DAW1: variants seen among roughly 807,000 people sequenced by gnomAD.
DAW1 encodes the protein dynein assembly factor with WD repeats 1.
A neutral mutation model predicts 56.5 loss-of-function variants in DAW1; 47 were observed. That is an observed-to-expected ratio of 0.83 (90% confidence interval 0.66 to 1.06). The LOEUF (loss-of-function observed/expected upper bound fraction) is 1.06, where lower values mean the gene tolerates loss of function less well. DAW1 is among the 50% of genes least tolerant of loss of function. The pLI is 0.00. For missense variants in DAW1, 505 were observed against 499.3 expected (o/e 1.01, Z -0.11); for synonymous variants, 190 against 179.0 (o/e 1.06, Z -0.49).
At chr2:227,887,674 C>G (rs995091282) in intron 2 of DAW1, 1 of 152,180 alleles carries the variant, frequency 6.6e-6, no homozygotes, top group Non-Finnish European at 1.5e-5. Context: ...TCCAGGCACT[C>G]AACACTTTGA....
intron 10 of DAW1, among the ~76,000 whole-genome samples, chr2:227,917,201 T>G (rs1288958780): frequency 1.3e-5 from 2 of 152,088 alleles, no homozygotes; most frequent in African/African-American, 2.4e-5. Flanking sequence ...TCTATCCATC[T>G]ATCGATCGAT....
chr2:227,906,828 GAGCACA>G lies in DAW1; in HGVS notation c.859-308_859-303del, dbSNP rs374201601. ...TCATTTGATGTCCTTCCTATAAAAA[GAGCACA>G]ACTCTTCACCAACCAGTAAAGCATA... On this transcript the variant is annotated intron_variant, in intron 9 of 12. Coordinates refer to ENST00000309931, the MANE Select transcript of DAW1 (RefSeq NM_178821.3). 4.0e-3 allele frequency among the ~76,000 whole-genome samples: 611 copies of G among 152,232 alleles called. 6 individuals carry two copies. The highest frequency in any genetic ancestry group is 0.014 in the African/African-American group (594 of 41,562).
At chr2:227,902,915 G>T (rs2946931) in intron 6 of DAW1, 87 bp from the exon 7 acceptor site, 525,566 of 1,310,196 alleles carry the variant, frequency 0.4, 107,551 homozygotes, top group Middle Eastern at 0.46. Flanking sequence ...AATCTGGTAA[G>T]GTAATTGCAT....
At chr2:227,886,942 G>T (rs555049931) in intron 2 of DAW1, among the ~76,000 whole-genome samples, 2 of 152,322 alleles carry the variant, frequency 1.3e-5, no homozygotes, top group East Asian at 3.9e-4. Context: ...TTAGGTTTGT[G>T]GCCTGAGACC....
chr2:227,919,006 G>T (rs778052418), intron 11 of DAW1, 150 bp downstream of exon 11: 295 of 774,188 alleles, frequency 3.8e-4, no homozygotes, highest in Non-Finnish European at 4.4e-4. Context: ...ACCAGCCTGG[G>T]CAACATAGGG....
chr2:227,912,390 A>G (rs1559313054), intron 10 of DAW1: 1 of 1,304,660 alleles, frequency 7.7e-7, no homozygotes, highest in South Asian at 1.2e-5. Context: ...ATCATGTTTG[A>G]TGTTATCCGG....
At position 227,909,008 on chromosome 2, in the gene DAW1, TCTGA is replaced by T. The variant is rs754722424; in HGVS notation, c.973+1759_973+1762del. ...TGCTATATTGTATCTATGTCATGTA[TCTGA>T]CTATGTTTAATTTACACTGTTTTTA... On this transcript the variant is annotated intron_variant, in intron 10 of 12. Transcript: ENST00000309931. 1.1e-4 allele frequency among the ~76,000 whole-genome samples: 16 copies of T among 152,328 alleles called. No homozygotes were observed. In the East Asian group the frequency reaches 2.3e-3, roughly 22 times the overall value.
chr2:227,908,097 T>A (rs185518829), intron 10 of DAW1, among the ~76,000 whole-genome samples: 407 of 152,346 alleles, frequency 2.7e-3, no homozygotes, highest in Non-Finnish European at 4.3e-3. Context: ...CCTGTGACAG[T>A]CACATGTGAC....
At chr2:227,908,794 C>A (rs1390860275) in intron 10 of DAW1, among the ~76,000 whole-genome samples, 1 of 152,166 alleles carries the variant, frequency 6.6e-6, no homozygotes, top group Non-Finnish European at 1.5e-5. Context: ...TGATGCTATA[C>A]TAAGTCTATG....
chr2:227,918,718 T>A, intron 10 of DAW1, 62 bp from the exon 11 acceptor site: 2 of 1,560,162 alleles, frequency 1.3e-6, no homozygotes, highest in South Asian at 2.2e-5. Context: ...CAATGCAAAG[T>A]CTTTTATCCA....
At chr2:227,879,434 T>C (rs1397001564) in intron 1 of DAW1, among the ~76,000 whole-genome samples, 2 of 152,154 alleles carry the variant, frequency 1.3e-5, no homozygotes, top group African/African-American at 4.8e-5. Flanking sequence ...TTTGTAGTTC[T>C]TTATATTAAG....
chr2:227,918,240 A>G (rs1692020925), intron 10 of DAW1, among the ~76,000 whole-genome samples: 1 of 138,630 alleles, frequency 7.2e-6, no homozygotes, highest in African/African-American at 2.6e-5. Context: ...CTATTTATTG[A>G]ATGGCTAATA....
At chr2:227,921,098 C>T (rs1180891469) in intron 11 of DAW1, among the ~76,000 whole-genome samples, 1 of 152,132 alleles carries the variant, frequency 6.6e-6, no homozygotes, top group Non-Finnish European at 1.5e-5. Flanking sequence ...CATCGTGCAT[C>T]TTTGGAAAGA....
chr2:227,906,306 A>G lies in DAW1; in HGVS notation c.826A>G (p.Ile276Val). 6.2e-7 allele frequency: 1 copy of G among 1,612,658 alleles called. No homozygotes were observed. The highest frequency in any genetic ancestry group is 1.1e-5 in the South Asian group (1 of 90,866). Residue 276 changes from isoleucine (I) to valine (V), a missense_variant, in exon 9 of 13, where the codon ATA becomes GTA. Transcript: ENST00000309931. ...CTCATTCAATTGGGATTGCTCTCTA[A>G]TATTAACTGGCTCTATGGACAAAAC... ...SASFNWDCSL[I>V]LTGSMDKTCK...
At chr2:227,922,861 T>C (rs2106220643) in intron 12 of DAW1, among the ~76,000 whole-genome samples, 1 of 152,218 alleles carries the variant, frequency 6.6e-6, no homozygotes, top group East Asian at 1.9e-4. Flanking sequence ...ATCAAATCCT[T>C]CTCCTTGATG....
chr2:227,908,869 T>C (rs1691748676), intron 10 of DAW1, among the ~76,000 whole-genome samples: 1 of 152,182 alleles, frequency 6.6e-6, no homozygotes. Flanking sequence ...AAGTATGAAC[T>C]ATGTGTCATC....
At chr2:227,901,801 A>C (rs1691552557) in intron 6 of DAW1, among the ~76,000 whole-genome samples, 1 of 152,136 alleles carries the variant, frequency 6.6e-6, no homozygotes. Context: ...AAGAGTTGCT[A>C]AGAGGGGTAC....
chr2:227,878,848 C>T (rs1690946365), intron 1 of DAW1, among the ~76,000 whole-genome samples: 1 of 144,616 alleles, frequency 6.9e-6, no homozygotes, highest in Non-Finnish European at 1.5e-5. Context: ...AGTGCAATGG[C>T]ACAATCTCAA....
chr2:227,917,266 CTTT>C (rs111771960), intron 10 of DAW1, among the ~76,000 whole-genome samples: 4 of 142,344 alleles, frequency 2.8e-5, no homozygotes, highest in Non-Finnish European at 1.5e-5. Context: ...TTTTTTGTTT[CTTT>C]TTTTTTTTTT....
Sources: allele counts gnomAD v4.1 joint callset (sites outside exome capture counted in the v4.1 genomes callset), GRCh38; gene constraint gnomAD v4.1.1; transcripts MANE v1.5; gene names NCBI Gene and HGNC (gene_info 2026-07-23, HGNC 2026-07-21).